Variants in AKIRIN2 observed in about 807,000 individuals in gnomAD.
AKIRIN2 encodes the protein akirin-2.
In AKIRIN2, 6 loss-of-function variants were observed where a neutral mutation model predicts 29.3. The ratio of observed to expected loss-of-function variants is 0.20; its 90% confidence interval spans 0.11 to 0.40. The LOEUF (loss-of-function observed/expected upper bound fraction) is 0.40. AKIRIN2 is among the 10% of genes least tolerant of loss of function. The pLI, the probability that AKIRIN2 is intolerant of heterozygous loss-of-function variation, is 1.00. For missense variants in AKIRIN2, 210 were observed against 276.1 expected (o/e 0.76, Z 1.70); for synonymous variants, 128 against 117.5 (o/e 1.09, Z -0.58).
chr6:87,688,749 G>A (rs975224186), intron 1 of AKIRIN2, among the ~76,000 whole-genome samples: 4 of 151,912 alleles, frequency 2.6e-5, no homozygotes, highest in African/African-American at 4.8e-5. Context: ...GTGAAACTCC[G>A]TCTCAATAAA....
At chr6:87,681,889 T>A in intron 1 of AKIRIN2, 126 bp from the exon 2 acceptor site, 2 of 834,334 alleles carry the variant, frequency 2.4e-6, no homozygotes, top group South Asian at 2.1e-5. Flanking sequence ...TCCAGAAAAC[T>A]GACATTTTGG....
Position 87,701,770 on chromosome 6 carries a change from G to T in AKIRIN2, c.-86C>A. 9.9e-7 allele frequency: 1 copy of T among 1,008,702 alleles called. No individual in the cohort carries two copies. Among genetic ancestry groups the T allele is most frequent in the African/African-American group, 1.7e-5 (1 of 58,410 alleles). 62.5% of individuals were successfully genotyped at this position (1,008,702 alleles called of 1,614,324 possible). ...GGGTGAGGGAAGGGGTGAAGAGCGG[G>T]AACTCGAGGAGAGCCTACCCGACGG... is the stretch of plus-strand genomic sequence containing the variant. On this transcript the variant is annotated 5_prime_UTR_variant, in exon 1 of 5. Coordinates refer to ENST00000257787, the MANE Select transcript of AKIRIN2 (RefSeq NM_018064.4).
intron 1 of AKIRIN2, chr6:87,700,826 T>C (rs1028432238): frequency 1.9e-5 from 3 of 154,764 alleles, no homozygotes; most frequent in African/African-American, 7.2e-5. Context: ...GGGAAGAGCA[T>C]TTTCTTTGTT....
chr6:87,695,289 G>A (rs550288810), intron 1 of AKIRIN2, among the ~76,000 whole-genome samples: 2 of 151,430 alleles, frequency 1.3e-5, no homozygotes, highest in East Asian at 1.9e-4. Context: ...ATTACGACTC[G>A]TTGGAGTCAC....
rs141450677 is a variant in AKIRIN2, at chr6:87,688,830, C to T, written c.236-7067G>A. On this transcript the variant is annotated intron_variant, in intron 1 of 4. Coordinates refer to ENST00000257787, the MANE Select transcript of AKIRIN2 (RefSeq NM_018064.4). ...AAATCCAAAACCCAACATGTGCATG[C>T]TACAGAAACATTTGGTTCCAAGGCA... Among the ~76,000 whole-genome samples, 384 of 152,284 alleles carry T rather than the reference C, an allele frequency of 2.5e-3. 1 individual carries two copies. The highest frequency in any genetic ancestry group is 9.0e-3 in the African/African-American group (372 of 41,562).
intron 1 of AKIRIN2, among the ~76,000 whole-genome samples, chr6:87,686,259 C>G (rs572167429): frequency 2.2e-4 from 34 of 152,132 alleles, no homozygotes; most frequent in Non-Finnish European, 5.0e-4. Context: ...GAAAAGGCCT[C>G]TTTTTAGTTG....
At chr6:87,676,596 A>AACACACGCGCGCGCGCACACACAC (rs1485678233) in intron 3 of AKIRIN2, among the ~76,000 whole-genome samples, 2 of 142,046 alleles carry the variant, frequency 1.4e-5, no homozygotes, top group African/African-American at 5.4e-5. Context: ...CTCTACTAAA[A>AACACACGCGCGCGCGCACACACAC]ACACACACAC....
chr6:87,685,369 T>C (rs1303541408), intron 1 of AKIRIN2, among the ~76,000 whole-genome samples: 1 of 152,234 alleles, frequency 6.6e-6, no homozygotes, highest in Non-Finnish European at 1.5e-5. Context: ...GATACTTGGC[T>C]AACCTGAGTT....
At chr6:87,701,371 C>T in intron 1 of AKIRIN2, 79 bp downstream of exon 1, 1 of 1,423,634 alleles carries the variant, frequency 7.0e-7, no homozygotes. Flanking sequence ...ACCCCCACCC[C>T]AGGGGCCGCA....
At chr6:87,701,299 G>C (rs776906372) in intron 1 of AKIRIN2, 151 bp downstream of exon 1, 12 of 662,666 alleles carry the variant, frequency 1.8e-5, no homozygotes, top group Non-Finnish European at 2.8e-5. Context: ...GGGCTACGAG[G>C]ACCTAGTGAA....
chr6:87,701,974 T>G lies in AKIRIN2; in HGVS notation c.-290A>C. ...GTTCTTCCGCCTCCTCAGGCGCGGCTCCCCCGAGAGAGGCTCCGGCCGCCC... is the reference window on the plus strand; with the variant it reads ...GTTCTTCCGCCTCCTCAGGCGCGGCGCCCCCGAGAGAGGCTCCGGCCGCCC... On this transcript the variant is annotated 5_prime_UTR_variant, in exon 1 of 5. Coordinates refer to ENST00000257787, the MANE Select transcript of AKIRIN2 (RefSeq NM_018064.4). 1 of 391,640 alleles carries G rather than the reference T, an allele frequency of 2.6e-6. No homozygotes were observed. The highest frequency in any genetic ancestry group is 4.5e-6 in the Non-Finnish European group (1 of 223,340). 24.3% of individuals were successfully genotyped at this position (391,640 alleles called of 1,614,324 possible). A position where few individuals can be genotyped will look rare whatever the true frequency, so the allele number is the denominator to read the frequency against.
intron 1 of AKIRIN2, among the ~76,000 whole-genome samples, chr6:87,688,728 G>A (rs913468844): frequency 6.6e-6 from 1 of 152,228 alleles, no homozygotes; most frequent in East Asian, 1.9e-4. Context: ...ACTCCAGCCT[G>A]GGCAACAAGA....
intron 1 of AKIRIN2, among the ~76,000 whole-genome samples, chr6:87,682,656 AACT>A (rs1280005639): frequency 6.6e-6 from 1 of 152,238 alleles, no homozygotes; most frequent in African/African-American, 2.4e-5. Context: ...ATCAATGTGA[AACT>A]ACATCCCTAG....
intron 1 of AKIRIN2, among the ~76,000 whole-genome samples, chr6:87,685,851 T>TA (rs147290511): frequency 0.032 from 4,877 of 152,318 alleles, 96 homozygotes; most frequent in Middle Eastern, 0.054. Context: ...CTAAAATTGC[T>TA]AATAAAATTC....
chr6:87,690,602 AT>A (rs1337094024), intron 1 of AKIRIN2, among the ~76,000 whole-genome samples: 3 of 152,216 alleles, frequency 2.0e-5, no homozygotes, highest in Non-Finnish European at 1.5e-5. Context: ...GGAAATTCAT[AT>A]TCGTCATTAT....
At chr6:87,692,758 C>A (rs1039410607) in intron 1 of AKIRIN2, among the ~76,000 whole-genome samples, 1 of 151,988 alleles carries the variant, frequency 6.6e-6, no homozygotes, top group Non-Finnish European at 1.5e-5. Flanking sequence ...TGCAGTGAGC[C>A]GAGATCGTGC....
rs780676652 is a variant in AKIRIN2 at position 87,681,044 on chromosome 6, A to AT, written c.379+575dup. Among the ~76,000 whole-genome samples the AT allele has an allele frequency of 4.9e-4, 73 of 147,680 alleles. 1 individual carries two copies. The South Asian group carries it at 5.8e-3, about 12-fold the overall frequency. On this transcript the variant is annotated intron_variant, in intron 2 of 4. Transcript: ENST00000257787. ...CAAAGGAGCATACAGTATTGTTATT[A>AT]TTTTTTTTTTTGAGACAAAGTCTCA...
At chr6:87,679,929 C>T (rs1039204827) in intron 2 of AKIRIN2, among the ~76,000 whole-genome samples, 2 of 152,246 alleles carry the variant, frequency 1.3e-5, no homozygotes, top group Non-Finnish European at 2.9e-5. Context: ...TACTTACTCT[C>T]TTAACTTGCT....
intron 2 of AKIRIN2, 66 bp from the exon 3 acceptor site, chr6:87,678,033 G>A: frequency 1.4e-6 from 2 of 1,431,942 alleles, no homozygotes; most frequent in Middle Eastern, 2.3e-4. Flanking sequence ...GTTTCTAAAT[G>A]AAGAGGTTTT....
Sources: gnomAD v4.1 joint callset for allele counts (sites outside exome capture counted in the v4.1 genomes callset) on GRCh38, gnomAD v4.1.1 for gene constraint, MANE v1.5 for transcripts, NCBI Gene and HGNC (gene_info 2026-07-23, HGNC 2026-07-21) for gene names.